The following AADACL4 variants were observed in gnomAD, a reference collection of about 807,000 sequenced individuals.
AADACL4 encodes the protein arylacetamide deacetylase-like 4.
In AADACL4, 9 loss-of-function variants were observed where a neutral mutation model predicts 14.1. That is an observed-to-expected ratio of 0.64 (90% CI 0.39 to 1.12). The LOEUF (loss-of-function observed/expected upper bound fraction) is 1.12. AADACL4 is among the 50% of genes most tolerant of loss of function. The pLI is 0.01. For synonymous variants in AADACL4, 188 were observed against 201.6 expected (o/e 0.93, Z 0.57); for missense variants, 531 against 516.1 (o/e 1.03, Z -0.28).
At chr1:12,654,534 A>G (rs1647169250) in intron 2 of AADACL4, among the ~76,000 whole-genome samples, 1 of 152,194 alleles carries the variant, frequency 6.6e-6, no homozygotes, top group African/African-American at 2.4e-5. Context: ...AGCAGCAAGC[A>G]TTGCCGATAA....
intron 2 of AADACL4, among the ~76,000 whole-genome samples, chr1:12,660,199 T>G (rs1647215599): frequency 6.6e-6 from 1 of 152,230 alleles, no homozygotes; most frequent in South Asian, 2.1e-4. Flanking sequence ...CCTCTTGCCT[T>G]GGCTTCCCAA....
intron 1 of AADACL4, among the ~76,000 whole-genome samples, chr1:12,645,377 C>A (rs1647105395): frequency 6.6e-6 from 1 of 151,130 alleles, no homozygotes; most frequent in South Asian, 2.1e-4. Flanking sequence ...CCTTTAGCAT[C>A]AAACATTTAC....
intron 1 of AADACL4, among the ~76,000 whole-genome samples, chr1:12,646,495 A>G (rs1647112448): frequency 6.6e-6 from 1 of 152,204 alleles, no homozygotes; most frequent in Non-Finnish European, 1.5e-5. Flanking sequence ...AGACAGGACA[A>G]GGATGTAGAA....
chr1:12,661,945 CT>C, intron 3 of AADACL4, 91 bp downstream of exon 3: 1 of 1,408,320 alleles, frequency 7.1e-7, no homozygotes, highest in Non-Finnish European at 1.0e-6. Flanking sequence ...GAGGCCCTAA[CT>C]CCCAAGAGGC....
Position 12,651,160 on chromosome 1 carries a change from C to T in AADACL4, c.206C>T (p.Pro69Leu), listed in dbSNP as rs772760183. ...GAGAAGCTGGGAATTTGCTCCATGC[C>T]CAAATTTATTCGTTTTTTACATGAT... ...IFEKLGICSM[P>L]KFIRFLHDSV... Residue 69 changes from proline to leucine, a missense_variant, in exon 2 of 4, where the codon CCC becomes CTC. By Grantham distance (98) the Pro-to-Leu change is moderately conservative. Transcript: ENST00000376221. The T allele has an allele frequency of 6.2e-7, 1 of 1,614,160 alleles. No individual in the cohort carries two copies. Among genetic ancestry groups the T allele is most frequent in the Non-Finnish European group, 8.5e-7 (1 of 1,180,034 alleles).
intron 2 of AADACL4, among the ~76,000 whole-genome samples, chr1:12,653,305 T>C (rs979753319): frequency 1.3e-5 from 2 of 151,870 alleles, no homozygotes; most frequent in African/African-American, 4.9e-5. Context: ...ACCATTTGCG[T>C]CAAGAAGACA....
At chr1:12,654,844 C>T (rs546554433) in intron 2 of AADACL4, among the ~76,000 whole-genome samples, 1 of 151,512 alleles carries the variant, frequency 6.6e-6, no homozygotes, top group East Asian at 1.9e-4. Context: ...ATGGGCAAGA[C>T]GGCCCTCTCC....
intron 2 of AADACL4, among the ~76,000 whole-genome samples, chr1:12,654,716 A>C (rs1357948898): frequency 6.6e-6 from 1 of 152,236 alleles, no homozygotes; most frequent in Non-Finnish European, 1.5e-5. Context: ...GTTATGGCTG[A>C]AGGCAACCTA....
At chr1:12,647,685 G>C (rs551508967) in intron 1 of AADACL4, among the ~76,000 whole-genome samples, 1 of 147,234 alleles carries the variant, frequency 6.8e-6, no homozygotes, top group East Asian at 2.0e-4. Flanking sequence ...GACAGTCTCA[G>C]TCTCTTACCA....
chr1:12,664,130 GA>G (rs1557552856), intron 3 of AADACL4, among the ~76,000 whole-genome samples: 1 of 152,182 alleles, frequency 6.6e-6, no homozygotes, highest in Non-Finnish European at 1.5e-5. Flanking sequence ...GAAGAAGAAA[GA>G]GTGAGGGCTT....
chr1:12,664,021 A>T (rs1360255783), intron 3 of AADACL4, among the ~76,000 whole-genome samples: 3 of 152,254 alleles, frequency 2.0e-5, no homozygotes, highest in Non-Finnish European at 2.9e-5. Context: ...TAAAGGAAAC[A>T]AAATTCAAGG....
chr1:12,662,656 G>A (rs1437383419), intron 3 of AADACL4, among the ~76,000 whole-genome samples: 12 of 152,150 alleles, frequency 7.9e-5, no homozygotes, highest in Admixed American at 7.9e-4. Context: ...GAAGGCCAGC[G>A]AGAGAAATTA....
At position 12,651,204 on chromosome 1, in the gene AADACL4, GACCCT is replaced by G; in HGVS notation, c.251_255del (p.Asp84GlyfsTer58). The G allele has an allele frequency of 6.2e-7, 1 of 1,614,230 alleles. No individual in the cohort carries two copies. Among genetic ancestry groups the G allele is most frequent in the Non-Finnish European group, 8.5e-7 (1 of 1,180,048 alleles). ...ACATGATAGCGTGAGAATTAAAAAGGACCCTGAACTTGTGGTGACCGACCTGCGTT... is the reference window on the plus strand; with the variant it reads ...ACATGATAGCGTGAGAATTAAAAAGGGAACTTGTGGTGACCGACCTGCGTT... On this transcript the variant is annotated frameshift_variant, in exon 2 of 4. Coordinates refer to ENST00000376221, the MANE Select transcript of AADACL4 (RefSeq NM_001013630.2). LOFTEE classifies it high-confidence loss of function.
Position 12,645,963 on chromosome 1 carries a change from C to T in AADACL4, c.168+1249C>T, listed in dbSNP as rs940830627. On this transcript the variant is annotated intron_variant, in intron 1 of 3. Coordinates refer to ENST00000376221, the MANE Select transcript of AADACL4 (RefSeq NM_001013630.2). ...AATTTACCCAGCATTTCTGAGTGGC[C>T]GTGCCAGCCAGGCTCTGAGCAGGGC... 3.9e-5 allele frequency among the ~76,000 whole-genome samples: 6 copies of T among 152,120 alleles called. No individual in the cohort carries two copies. In the South Asian group the frequency reaches 8.3e-4, roughly 21 times the overall value.
intron 1 of AADACL4, among the ~76,000 whole-genome samples, chr1:12,650,737 C>T (rs992465710): frequency 7.9e-5 from 12 of 152,014 alleles, no homozygotes; most frequent in African/African-American, 1.4e-4. Flanking sequence ...TTCACCATGT[C>T]GGCCAGAATG....
intron 2 of AADACL4, among the ~76,000 whole-genome samples, chr1:12,653,834 A>G (rs770530589): frequency 6.6e-6 from 1 of 152,196 alleles, no homozygotes; most frequent in African/African-American, 2.4e-5. Context: ...AAGAGAACCT[A>G]TACCCTCTTT....
chr1:12,650,544 T>C (rs1570426677), intron 1 of AADACL4, among the ~76,000 whole-genome samples: 1 of 151,518 alleles, frequency 6.6e-6, no homozygotes, highest in East Asian at 1.9e-4. Flanking sequence ...TTTTTTTTTT[T>C]TTTCCCCGAG....
chr1:12,650,778 A>T (rs550600524), intron 1 of AADACL4, among the ~76,000 whole-genome samples: 2 of 152,166 alleles, frequency 1.3e-5, no homozygotes, highest in East Asian at 3.9e-4. Flanking sequence ...TGAGCCGTCC[A>T]CCTCGGCCTC....
In AADACL4 at chr1:12,666,383, C is replaced by T. The variant is rs750445509; in HGVS notation, c.872C>T (p.Pro291Leu). The T allele has an allele frequency of 6.2e-7, 1 of 1,613,952 alleles. No individual in the cohort carries two copies. The highest frequency in any genetic ancestry group is 1.3e-5 in the African/African-American group (1 of 74,920). Residue 291 changes from proline to leucine, a missense_variant, in exon 4 of 4, where the codon CCC becomes CTC. By Grantham distance (98) the Pro-to-Leu change is moderately conservative. Transcript: ENST00000376221. ...AAGTGGCTCAGCCCTGACAACATCC[C>T]CAAGAAATTTAAGAACAGAGGCTAC... is the stretch of plus-strand genomic sequence containing the variant. ...YEKWLSPDNI[P>L]KKFKNRGYQP...
Sources: gnomAD v4.1 joint callset for allele counts (sites outside exome capture counted in the v4.1 genomes callset) on GRCh38, gnomAD v4.1.1 for gene constraint, MANE v1.5 for transcripts, NCBI Gene and HGNC (gene_info 2026-07-23, HGNC 2026-07-21) for gene names.